Variants in TRPM3 observed in about 807,000 individuals in gnomAD.
TRPM3 encodes the protein transient receptor potential cation channel subfamily M member 3.
In TRPM3, 77 loss-of-function variants were observed where a neutral mutation model predicts 181.2. The observed-to-expected ratio is 0.42, with a 90% CI of 0.35 to 0.51. TRPM3 has a LOEUF of 0.51. TRPM3 is among the 20% of genes least tolerant of loss of function. TRPM3 has a pLI of 0.01. For missense variants in TRPM3, 1,759 were observed against 2,196.7 expected (o/e 0.80, Z 3.98); for synonymous variants, 745 against 796.4 (o/e 0.94, Z 1.09).
chr9:71,120,483 G>T (rs184385655), intron 1 of TRPM3, among the ~76,000 whole-genome samples: 2 of 152,242 alleles, frequency 1.3e-5, no homozygotes, highest in African/African-American at 2.4e-5. Flanking sequence ...GCAGACACAC[G>T]GTGGCAATTC....
intron 1 of TRPM3, among the ~76,000 whole-genome samples, chr9:71,246,428 T>A (rs1486125544): frequency 1.3e-5 from 2 of 152,190 alleles, no homozygotes; most frequent in Non-Finnish European, 2.9e-5. Context: ...AATAAAATTA[T>A]TTAAGGTGTG....
intron 1 of TRPM3, among the ~76,000 whole-genome samples, chr9:71,008,904 G>A (rs901667841): frequency 6.6e-6 from 1 of 152,230 alleles, no homozygotes; most frequent in Non-Finnish European, 1.5e-5. Context: ...TCCCAAAGAT[G>A]CAAGGATGGT....
At chr9:71,297,214 C>T (rs999156284) in intron 1 of TRPM3, among the ~76,000 whole-genome samples, 8 of 151,888 alleles carry the variant, frequency 5.3e-5, no homozygotes, top group Admixed American at 1.3e-4. Flanking sequence ...CTCAGTATCT[C>T]CAGAAGAGGA....
At chr9:70,546,936 T>A (rs1453693120) in intron 25 of TRPM3, among the ~76,000 whole-genome samples, 3 of 152,178 alleles carry the variant, frequency 2.0e-5, no homozygotes, top group Non-Finnish European at 2.9e-5. Flanking sequence ...ATTTAGCTCT[T>A]TACATACCAC....
chr9:71,263,552 C>T (rs2083199008), intron 1 of TRPM3, among the ~76,000 whole-genome samples: 1 of 152,128 alleles, frequency 6.6e-6, no homozygotes, highest in Non-Finnish European at 1.5e-5. Context: ...TATATGTTTG[C>T]AGGCAAACAT....
chr9:71,305,942 T>C (rs193245976), intron 1 of TRPM3, among the ~76,000 whole-genome samples: 7 of 152,276 alleles, frequency 4.6e-5, no homozygotes. Context: ...TTTGCAATTC[T>C]AACTGCAAGA....
chr9:70,778,485 C>A (rs1361633748), intron 7 of TRPM3, among the ~76,000 whole-genome samples: 2 of 152,120 alleles, frequency 1.3e-5, no homozygotes, highest in Non-Finnish European at 2.9e-5. Flanking sequence ...ACAAAAATAA[C>A]CCTTTTTATA....
At chr9:71,372,949 A>G (rs1259503038) in intron 1 of TRPM3, among the ~76,000 whole-genome samples, 1 of 152,232 alleles carries the variant, frequency 6.6e-6, no homozygotes, top group Non-Finnish European at 1.5e-5. Flanking sequence ...CAATCAAATT[A>G]GAACTCAAGA....
At chr9:71,134,028 C>T (rs1003409683) in intron 1 of TRPM3, among the ~76,000 whole-genome samples, 16 of 150,236 alleles carry the variant, frequency 1.1e-4, no homozygotes, top group East Asian at 2.0e-4. Flanking sequence ...CGTGCGCGCG[C>T]GCGCGTGTCT....
intron 1 of TRPM3, among the ~76,000 whole-genome samples, chr9:71,133,672 A>G (rs2074524021): frequency 6.6e-6 from 1 of 152,082 alleles, no homozygotes; most frequent in Non-Finnish European, 1.5e-5. Flanking sequence ...ACATTAATCC[A>G]TTGTCATGTG....
At chr9:71,396,320 C>G (rs973476199) in intron 1 of TRPM3, among the ~76,000 whole-genome samples, 2 of 137,270 alleles carry the variant, frequency 1.5e-5, no homozygotes, top group African/African-American at 5.3e-5. Context: ...AAAAAAAAAT[C>G]CTTAATTAAT....
At chr9:71,355,515 T>A (rs1257980055) in intron 1 of TRPM3, among the ~76,000 whole-genome samples, 1 of 152,162 alleles carries the variant, frequency 6.6e-6, no homozygotes, top group Non-Finnish European at 1.5e-5. Flanking sequence ...ACAACTGGAT[T>A]TCAGACTTGA....
At chr9:70,651,939 T>C (rs955448663) in intron 9 of TRPM3, among the ~76,000 whole-genome samples, 2 of 152,078 alleles carry the variant, frequency 1.3e-5, no homozygotes, top group Non-Finnish European at 2.9e-5. Context: ...TGGGAATGGA[T>C]AGGAACGTGC....
At chr9:71,144,123 T>C (rs976797070) in intron 1 of TRPM3, among the ~76,000 whole-genome samples, 1 of 152,198 alleles carries the variant, frequency 6.6e-6, no homozygotes, top group East Asian at 1.9e-4. Context: ...CCTTAAACCA[T>C]AATATTCCTT....
At chr9:71,173,187 C>G (rs1390708210) in intron 1 of TRPM3, among the ~76,000 whole-genome samples, 1 of 152,074 alleles carries the variant, frequency 6.6e-6, no homozygotes, top group East Asian at 1.9e-4. Context: ...CTTGACTATC[C>G]CATGCCATGA....
chr9:70,953,178 A>G (rs541731919), intron 1 of TRPM3, among the ~76,000 whole-genome samples: 3 of 152,320 alleles, frequency 2.0e-5, no homozygotes, highest in Middle Eastern at 3.4e-3. Context: ...CTTTCCCCAT[A>G]GTGGAGAGTT....
At chr9:70,955,734 C>A (rs2097061186) in intron 1 of TRPM3, among the ~76,000 whole-genome samples, 1 of 152,130 alleles carries the variant, frequency 6.6e-6, no homozygotes, top group African/African-American at 2.4e-5. Flanking sequence ...TTGATCTGGG[C>A]AAATTACCTA....
At chr9:71,271,659 A>G (rs972323129) in intron 1 of TRPM3, among the ~76,000 whole-genome samples, 1 of 151,982 alleles carries the variant, frequency 6.6e-6, no homozygotes, top group Non-Finnish European at 1.5e-5. Context: ...AAGAGCCACA[A>G]AGGATTCGCT....
At chr9:70,867,824 T>G (rs947955584) in intron 1 of TRPM3, among the ~76,000 whole-genome samples, 18 of 152,216 alleles carry the variant, frequency 1.2e-4, no homozygotes, top group Admixed American at 3.9e-4. Flanking sequence ...TTTTTAAATT[T>G]ATTTTATTGG....
Sources: allele counts gnomAD v4.1 joint callset (sites outside exome capture counted in the v4.1 genomes callset), GRCh38; gene constraint gnomAD v4.1.1; transcripts MANE v1.5; gene names NCBI Gene and HGNC (gene_info 2026-07-23, HGNC 2026-07-21).